Variants in ARB2A observed in about 807,000 individuals in gnomAD.
ARB2A encodes the protein cotranscriptional regulator ARB2A.
the ARB2A span, chr5:93,741,222 C>G: frequency 1.1e-5 from 17 of 1,613,716 alleles, no homozygotes; most frequent in Non-Finnish European, 1.4e-5. Context: ...CCTCTGGCGG[C>G]GGCAACTTCG....
At chr5:93,803,099 T>C in the ARB2A span, among the ~76,000 whole-genome samples, 1 of 152,022 alleles carries the variant, frequency 6.6e-6, no homozygotes, top group Non-Finnish European at 1.5e-5. Flanking sequence ...TAATAACAGG[T>C]GCCTGCTTAG....
At chr5:93,732,961 T>C in the ARB2A span, among the ~76,000 whole-genome samples, 1 of 152,088 alleles carries the variant, frequency 6.6e-6, no homozygotes, top group African/African-American at 2.4e-5. Context: ...CTTCTAAAAA[T>C]GGTATAAAGT....
the ARB2A span, among the ~76,000 whole-genome samples, chr5:94,095,788 AT>A: frequency 2.6e-5 from 4 of 152,074 alleles, no homozygotes; most frequent in Admixed American, 2.6e-4. Context: ...ATCCTCAAAT[AT>A]GAAGTCTAGA....
the ARB2A span, among the ~76,000 whole-genome samples, chr5:93,875,232 G>A: frequency 1.1e-4 from 16 of 151,950 alleles, no homozygotes; most frequent in Non-Finnish European, 1.6e-4. Flanking sequence ...CAGGTCTATC[G>A]GACTGCTTTT....
the ARB2A span, among the ~76,000 whole-genome samples, chr5:93,846,592 C>A: frequency 6.6e-6 from 1 of 152,064 alleles, no homozygotes; most frequent in East Asian, 1.9e-4. Flanking sequence ...TATTTGATTT[C>A]TTTTGGGCTA....
At chr5:93,947,205 G>A in the ARB2A span, among the ~76,000 whole-genome samples, 6 of 152,044 alleles carry the variant, frequency 3.9e-5, no homozygotes, top group African/African-American at 1.4e-4. Context: ...GCAGTATTAC[G>A]CTTGCTTCTG....
the ARB2A span, among the ~76,000 whole-genome samples, chr5:94,071,809 G>A: frequency 2.0e-5 from 3 of 152,076 alleles, no homozygotes; most frequent in Admixed American, 6.6e-5. Flanking sequence ...ATTTGGTATT[G>A]TCTTATAAAG....
At chr5:93,885,423 C>T in the ARB2A span, among the ~76,000 whole-genome samples, 1 of 151,572 alleles carries the variant, frequency 6.6e-6, no homozygotes, top group Non-Finnish European at 1.5e-5. Flanking sequence ...AGTTAGGTCA[C>T]TTCAAATATA....
the ARB2A span, among the ~76,000 whole-genome samples, chr5:93,901,113 G>A: frequency 1.3e-5 from 2 of 152,144 alleles, no homozygotes; most frequent in South Asian, 4.1e-4. Context: ...AGAGGTAAAG[G>A]CATAATAACT....
chr5:93,913,846 T>G, the ARB2A span, among the ~76,000 whole-genome samples: 28 of 152,034 alleles, frequency 1.8e-4, no homozygotes, highest in African/African-American at 6.5e-4. Context: ...TTGAAATTAT[T>G]ATAGTGATTA....
At chr5:93,915,188 T>C in the ARB2A span, among the ~76,000 whole-genome samples, 1 of 151,964 alleles carries the variant, frequency 6.6e-6, no homozygotes, top group African/African-American at 2.4e-5. Context: ...ACCACAAGTT[T>C]TTCAGTTGCA....
At chr5:94,038,573 G>A in the ARB2A span, among the ~76,000 whole-genome samples, 59 of 151,864 alleles carry the variant, frequency 3.9e-4, no homozygotes, top group African/African-American at 1.4e-3. Context: ...TGTGTATTAT[G>A]GCACTGCATT....
At chr5:94,053,020 T>C in the ARB2A span, 1 of 492,392 alleles carries the variant, frequency 2.0e-6, no homozygotes, top group Admixed American at 4.1e-5. Context: ...AAGTAGCAAA[T>C]AATATCTGTC....
chr5:93,739,398 A>G, the ARB2A span: 1 of 152,218 alleles, frequency 6.6e-6, no homozygotes, highest in Non-Finnish European at 1.5e-5. Context: ...GAATAAGTAA[A>G]AAAGCTTATA....
the ARB2A span, among the ~76,000 whole-genome samples, chr5:93,973,105 T>G: frequency 7.4e-6 from 1 of 135,054 alleles, no homozygotes; most frequent in Non-Finnish European, 1.6e-5. Context: ...CATGTCACCA[T>G]GCCCAGATAA....
At chr5:93,852,230 T>C in the ARB2A span, among the ~76,000 whole-genome samples, 1 of 152,176 alleles carries the variant, frequency 6.6e-6, no homozygotes. Flanking sequence ...TTTCATGTGT[T>C]CTTTGGCTGC....
chr5:93,885,768 C>A, the ARB2A span, among the ~76,000 whole-genome samples: 1 of 151,748 alleles, frequency 6.6e-6, no homozygotes, highest in South Asian at 2.1e-4. Flanking sequence ...ACTATGGGAT[C>A]TTAATCAGAA....
chr5:93,765,685 T>G, the ARB2A span, among the ~76,000 whole-genome samples: 1 of 152,118 alleles, frequency 6.6e-6, no homozygotes, highest in African/African-American at 2.4e-5. Context: ...TGGAAAAAAC[T>G]ACTTTAAAGT....
chr5:93,819,173 G>C, the ARB2A span, among the ~76,000 whole-genome samples: 3 of 80,238 alleles, frequency 3.7e-5, no homozygotes, highest in Admixed American at 6.8e-4. Context: ...GCGACAGAGC[G>C]AAACTCCGTC....
Sources: gnomAD v4.1 joint callset for allele counts (sites outside exome capture counted in the v4.1 genomes callset) on GRCh38, gnomAD v4.1.1 for gene constraint, MANE v1.5 for transcripts, NCBI Gene and HGNC (gene_info 2026-07-23, HGNC 2026-07-21) for gene names.